The following ERC2 variants were observed in gnomAD, a reference collection of about 807,000 sequenced individuals.
ERC2 encodes ELKS/RAB6-interacting/CAST family member 2, also known as ERC protein 2.
Under a neutral mutation model 114.8 loss-of-function variants are expected in ERC2, and 42 were observed. That is an observed-to-expected ratio of 0.37 (90% CI 0.29 to 0.47). The LOEUF (loss-of-function observed/expected upper bound fraction) is 0.47, where lower values mean the gene tolerates loss of function less well. ERC2 is among the 20% of genes least tolerant of loss of function. The pLI is 0.99. For synonymous variants in ERC2, 454 were observed against 425.5 expected (o/e 1.07, Z -0.82); for missense variants, 939 against 1,150.7 (o/e 0.82, Z 2.66).
At chr3:56,183,890 A>T (rs1011952857) in intron 3 of ERC2, among the ~76,000 whole-genome samples, 3 of 152,108 alleles carry the variant, frequency 2.0e-5, no homozygotes, top group Admixed American at 6.6e-5. Flanking sequence ...GATATATATA[A>T]AAATATCTTT....
At chr3:55,759,944 A>T (rs1318945838) in intron 14 of ERC2, among the ~76,000 whole-genome samples, 1 of 152,164 alleles carries the variant, frequency 6.6e-6, no homozygotes, top group Non-Finnish European at 1.5e-5. Context: ...GTAAATTCCA[A>T]CACTGGACTT....
At chr3:56,426,511 T>C (rs1383236747) in intron 2 of ERC2, among the ~76,000 whole-genome samples, 1 of 152,010 alleles carries the variant, frequency 6.6e-6, no homozygotes, top group African/African-American at 2.4e-5. Context: ...TGGCAGGGAG[T>C]AAATTTCCTC....
intron 15 of ERC2, among the ~76,000 whole-genome samples, chr3:55,701,947 G>A (rs989206975): frequency 5.3e-5 from 8 of 152,192 alleles, no homozygotes; most frequent in Middle Eastern, 3.2e-3. Flanking sequence ...GAAGGGACTC[G>A]CTCAAGAATG....
intron 14 of ERC2, among the ~76,000 whole-genome samples, chr3:55,781,993 C>T (rs1390846480): frequency 1.3e-5 from 2 of 151,826 alleles, no homozygotes; most frequent in East Asian, 1.9e-4. Flanking sequence ...GGATTGGGAA[C>T]GATGGAGTTG....
intron 4 of ERC2, among the ~76,000 whole-genome samples, chr3:56,155,265 A>G (rs954233302): frequency 6.6e-6 from 1 of 151,958 alleles, no homozygotes; most frequent in Non-Finnish European, 1.5e-5. Context: ...TCAGGGGTAA[A>G]CTTTTAACTC....
chr3:55,804,712 G>C (rs13069069), intron 14 of ERC2, among the ~76,000 whole-genome samples: 61 of 152,052 alleles, frequency 4.0e-4, no homozygotes, highest in African/African-American at 1.3e-3. Context: ...ACAGAATCCA[G>C]GGACCTTCCA....
At chr3:55,679,039 A>C (rs904513347) in intron 17 of ERC2, among the ~76,000 whole-genome samples, 1 of 152,208 alleles carries the variant, frequency 6.6e-6, no homozygotes, top group Non-Finnish European at 1.5e-5. Flanking sequence ...CACAGCAGCC[A>C]GGGTTGTTCT....
At chr3:56,114,410 C>G (rs1053061572) in intron 6 of ERC2, among the ~76,000 whole-genome samples, 2 of 152,110 alleles carry the variant, frequency 1.3e-5, no homozygotes, top group Non-Finnish European at 1.5e-5. Context: ...GGTTTCCATT[C>G]AACCCTTACG....
At chr3:55,610,077 A>AAC (rs2058833995) in intron 17 of ERC2, among the ~76,000 whole-genome samples, 1 of 151,762 alleles carries the variant, frequency 6.6e-6, no homozygotes, top group Non-Finnish European at 1.5e-5. Context: ...AAAAAAAAAA[A>AAC]AAAAAAACAA....
At chr3:55,824,232 A>G (rs1559715213) in intron 14 of ERC2, among the ~76,000 whole-genome samples, 2 of 152,124 alleles carry the variant, frequency 1.3e-5, no homozygotes. Context: ...GGTGGCCAAA[A>G]TTTTGCCTCT....
intron 3 of ERC2, among the ~76,000 whole-genome samples, chr3:56,177,389 G>A (rs1195773764): frequency 6.6e-6 from 1 of 152,144 alleles, no homozygotes; most frequent in Non-Finnish European, 1.5e-5. Flanking sequence ...ATTTCCCCAG[G>A]AGCATTTGAT....
intron 7 of ERC2, among the ~76,000 whole-genome samples, chr3:56,053,903 G>C (rs1312233032): frequency 6.6e-6 from 1 of 151,866 alleles, no homozygotes; most frequent in Non-Finnish European, 1.5e-5. Context: ...CAATAAAACT[G>C]TAACCTCCTC....
intron 17 of ERC2, among the ~76,000 whole-genome samples, chr3:55,553,275 C>T (rs1445641400): frequency 6.6e-6 from 1 of 151,884 alleles, no homozygotes; most frequent in Admixed American, 6.6e-5. Flanking sequence ...CTGCCTCAGC[C>T]TCCCAAAGTG....
chr3:55,648,698 C>T (rs709336), intron 17 of ERC2, among the ~76,000 whole-genome samples: 143,680 of 152,214 alleles, frequency 0.94, 67,850 homozygotes, highest in East Asian at 1. Flanking sequence ...GATCCAGAGT[C>T]TGTCTATTAG....
chr3:55,959,529 G>C (rs897345150), intron 12 of ERC2, among the ~76,000 whole-genome samples: 14 of 152,324 alleles, frequency 9.2e-5, no homozygotes, highest in African/African-American at 3.4e-4. Flanking sequence ...AGGCAAGCCA[G>C]CTTTCTCATC....
chr3:56,154,910 C>G (rs1367731343), intron 4 of ERC2, among the ~76,000 whole-genome samples: 1 of 152,150 alleles, frequency 6.6e-6, no homozygotes, highest in Non-Finnish European at 1.5e-5. Flanking sequence ...CCAGTTGTTA[C>G]TTACACAATT....
At chr3:56,266,842 A>G (rs1328955177) in intron 3 of ERC2, among the ~76,000 whole-genome samples, 1 of 152,196 alleles carries the variant, frequency 6.6e-6, no homozygotes, top group Non-Finnish European at 1.5e-5. Context: ...AAATAAAACT[A>G]CCATATGACA....
chr3:55,724,929 T>C (rs2064816259), intron 15 of ERC2, among the ~76,000 whole-genome samples: 1 of 152,230 alleles, frequency 6.6e-6, no homozygotes, highest in Non-Finnish European at 1.5e-5. Flanking sequence ...TGAAGGGATT[T>C]CAAACATGTC....
intron 3 of ERC2, among the ~76,000 whole-genome samples, chr3:56,276,128 G>A (rs1300935468): frequency 6.6e-6 from 1 of 152,144 alleles, no homozygotes; most frequent in African/African-American, 2.4e-5. Flanking sequence ...GCATGATGAA[G>A]TTTAATTTCC....
Sources: gnomAD v4.1 joint callset for allele counts (sites outside exome capture counted in the v4.1 genomes callset) on GRCh38, gnomAD v4.1.1 for gene constraint, MANE v1.5 for transcripts, NCBI Gene and HGNC (gene_info 2026-07-23, HGNC 2026-07-21) for gene names.